Variants in SNTG1 observed in about 807,000 individuals in gnomAD.
SNTG1 encodes gamma-1-syntrophin.
Under a neutral mutation model 74.7 loss-of-function variants are expected in SNTG1, and 39 were observed. The ratio of observed to expected loss-of-function variants is 0.52; its 90% CI spans 0.40 to 0.68. The LOEUF (loss-of-function observed/expected upper bound fraction) is 0.68, where lower values mean the gene tolerates loss of function less well. Ranked by LOEUF, SNTG1 falls within the 30% of genes least tolerant of loss-of-function variation. The pLI is 0.00. For synonymous variants in SNTG1, 254 were observed against 217.1 expected (o/e 1.17, Z -1.49); for missense variants, 685 against 609.5 (o/e 1.12, Z -1.30).
At chr8:50,569,928 A>T (rs931680771) in intron 12 of SNTG1, among the ~76,000 whole-genome samples, 13 of 152,202 alleles carry the variant, frequency 8.5e-5, no homozygotes, top group Non-Finnish European at 1.5e-5. Flanking sequence ...AAGTCAGAAT[A>T]AAAGCAAGGG....
chr8:50,429,616 A>G (rs2093208643), intron 4 of SNTG1, among the ~76,000 whole-genome samples: 1 of 152,160 alleles, frequency 6.6e-6, no homozygotes, highest in Non-Finnish European at 1.5e-5. Flanking sequence ...ATTACACAAA[A>G]CACAGAAAAA....
At chr8:50,395,774 G>A (rs560763528) in intron 3 of SNTG1, among the ~76,000 whole-genome samples, 2 of 152,278 alleles carry the variant, frequency 1.3e-5, no homozygotes, top group South Asian at 2.1e-4. Context: ...GCCTCCCAAA[G>A]TGCTGGGATT....
At chr8:50,452,535 C>G (rs764813810) in intron 8 of SNTG1, among the ~76,000 whole-genome samples, 2 of 152,166 alleles carry the variant, frequency 1.3e-5, no homozygotes, top group Non-Finnish European at 2.9e-5. Context: ...CAGAGGCAGG[C>G]AGCATGCTTA....
intron 13 of SNTG1, among the ~76,000 whole-genome samples, chr8:50,635,479 C>G (rs1486319149): frequency 6.6e-6 from 1 of 152,174 alleles, no homozygotes; most frequent in Admixed American, 6.5e-5. Flanking sequence ...TACTCTACGG[C>G]AGCTGAGCCA....
intron 1 of SNTG1, among the ~76,000 whole-genome samples, chr8:50,062,413 G>A (rs902314299): frequency 1.3e-5 from 2 of 151,694 alleles, no homozygotes; most frequent in African/African-American, 4.8e-5. Context: ...ATCAGTTTTT[G>A]CTTCTTTAGG....
intron 4 of SNTG1, among the ~76,000 whole-genome samples, chr8:50,421,717 G>T (rs1465001482): frequency 6.6e-6 from 1 of 152,000 alleles, no homozygotes; most frequent in African/African-American, 2.4e-5. Flanking sequence ...ATAGGCTCTT[G>T]GCCCCCTAAA....
At chr8:50,170,028 T>C (rs2082750291) in intron 1 of SNTG1, among the ~76,000 whole-genome samples, 1 of 152,224 alleles carries the variant, frequency 6.6e-6, no homozygotes, top group Non-Finnish European at 1.5e-5. Context: ...AAGACTCATC[T>C]AGCCATTGAA....
intron 2 of SNTG1, among the ~76,000 whole-genome samples, chr8:50,372,415 G>A (rs1326873773): frequency 6.6e-6 from 1 of 151,498 alleles, no homozygotes; most frequent in African/African-American, 2.4e-5. Flanking sequence ...TTGTCCCCAT[G>A]TACATACCAT....
At chr8:50,686,285 C>T (rs1039529261) in intron 15 of SNTG1, among the ~76,000 whole-genome samples, 2 of 152,132 alleles carry the variant, frequency 1.3e-5, no homozygotes, top group African/African-American at 4.8e-5. Context: ...AGCTGAATGT[C>T]TCCAAAACTA....
intron 1 of SNTG1, among the ~76,000 whole-genome samples, chr8:50,065,477 C>A (rs1243533811): frequency 6.6e-6 from 1 of 152,098 alleles, no homozygotes; most frequent in African/African-American, 2.4e-5. Context: ...CTAGGCATTT[C>A]TTTGGTTATA....
chr8:50,741,603 T>C (rs1203258552), intron 17 of SNTG1, among the ~76,000 whole-genome samples: 1 of 152,048 alleles, frequency 6.6e-6, no homozygotes, highest in Non-Finnish European at 1.5e-5. Flanking sequence ...TTATTCATAA[T>C]TGCCCAAACA....
intron 8 of SNTG1, among the ~76,000 whole-genome samples, chr8:50,499,545 C>G (rs1247219007): frequency 6.6e-6 from 1 of 151,320 alleles, no homozygotes; most frequent in Admixed American, 6.6e-5. Context: ...ATTGTCCTGC[C>G]TAGTACCTTT....
chr8:50,162,298 C>A (rs958145000), intron 1 of SNTG1, among the ~76,000 whole-genome samples: 4 of 152,134 alleles, frequency 2.6e-5, no homozygotes, highest in Non-Finnish European at 4.4e-5. Flanking sequence ...CGCGGTGGCT[C>A]ATGCCTGTAA....
intron 2 of SNTG1, among the ~76,000 whole-genome samples, chr8:50,369,212 T>G (rs2092205514): frequency 6.6e-6 from 1 of 152,206 alleles, no homozygotes; most frequent in Admixed American, 6.5e-5. Flanking sequence ...CTAATGTGAC[T>G]GTATTTCATG....
intron 12 of SNTG1, among the ~76,000 whole-genome samples, chr8:50,580,944 G>A (rs1015010197): frequency 5.9e-5 from 9 of 152,122 alleles, no homozygotes; most frequent in African/African-American, 2.2e-4. Flanking sequence ...AGTGACTCCT[G>A]AGAGACACAT....
intron 18 of SNTG1, among the ~76,000 whole-genome samples, chr8:50,785,088 T>TAA (rs1446577760): frequency 1.3e-5 from 2 of 151,858 alleles, no homozygotes; most frequent in African/African-American, 2.4e-5. Context: ...AATACTATAT[T>TAA]AAGTAATAAA....
At chr8:50,075,759 G>A (rs1196191150) in intron 1 of SNTG1, among the ~76,000 whole-genome samples, 2 of 152,106 alleles carry the variant, frequency 1.3e-5, no homozygotes, top group African/African-American at 2.4e-5. Flanking sequence ...GCAAGACCAC[G>A]AACCCCCTGG....
intron 1 of SNTG1, among the ~76,000 whole-genome samples, chr8:49,916,528 A>C (rs1175429310): frequency 6.6e-6 from 1 of 152,154 alleles, no homozygotes; most frequent in Non-Finnish European, 1.5e-5. Flanking sequence ...GATATTTTTA[A>C]AATTAAAAAT....
rs889946647 is a variant in SNTG1 at position 50,112,509 on chromosome 8, T to C, written c.-102-60052T>C. Among the ~76,000 whole-genome samples the C allele has an allele frequency of 1.3e-4, 16 of 122,950 alleles. 1 individual carries two copies. Among genetic ancestry groups the C allele is most frequent in the African/African-American group, 4.8e-4 (16 of 33,484 alleles). 80.7% of individuals were successfully genotyped at this position (122,950 alleles called of 152,430 possible). A position where few individuals can be genotyped will look rare whatever the true frequency, so the allele number is the denominator to read the frequency against. On this transcript the variant is annotated intron_variant, in intron 1 of 18. Transcript: ENST00000642720. ...TTATGCAGCATACACAAGTATTTAG[T>C]TCTTTCTTTTTTTTTTTTTTTTTTT...
Sources: allele counts gnomAD v4.1 joint callset (sites outside exome capture counted in the v4.1 genomes callset), GRCh38; gene constraint gnomAD v4.1.1; transcripts MANE v1.5; gene names NCBI Gene and HGNC (gene_info 2026-07-23, HGNC 2026-07-21).